CCDC180: variants seen among roughly 807,000 people sequenced by gnomAD.
The protein encoded by CCDC180 is coiled-coil domain-containing protein 180.
In CCDC180, 154 loss-of-function variants were observed where a neutral mutation model predicts 209.2. That is an observed-to-expected ratio of 0.74 (90% CI 0.65 to 0.84). The LOEUF is 0.84. Among genes scored for constraint, CCDC180 ranks in the 40% least tolerant of loss-of-function variants. The probability of loss-of-function intolerance (pLI) is 0.00; values close to 1 mark genes in which losing one functional copy is unlikely to be tolerated. For missense variants in CCDC180, 1,874 were observed against 1,997.3 expected, an observed-to-expected ratio of 0.94 and a Z score of 1.18; for synonymous variants, 778 against 749.1, an observed-to-expected ratio of 1.04 and a Z score of -0.63.
In CCDC180 at chr9:97,309,443, C is replaced by T; in HGVS notation, c.99C>T (p.Thr33=). Residue 33 remains threonine (T), a synonymous_variant, in exon 3 of 37, where the codon ACC becomes ACT. Coordinates refer to ENST00000529487, the MANE Select transcript of CCDC180 (RefSeq NM_020893.6). Reference sequence around the variant, plus strand: ...AGCTGGTCCACTCCCTGGCGGCCACCAGGAAGCGGGCTGCAGAGCGTTCTG... The same window carrying T: ...AGCTGGTCCACTCCCTGGCGGCCACTAGGAAGCGGGCTGCAGAGCGTTCTG... ...EVQLVHSLAA[T]RKRAAERSVT... 6.2e-7 allele frequency: 1 copy of T among 1,601,736 alleles called. No homozygotes were observed. The highest frequency in any genetic ancestry group is 8.5e-7 in the Non-Finnish European group (1 of 1,174,490).
At position 97,377,345 on chromosome 9, in the gene CCDC180, G is replaced by A. The variant is rs1045657606; in HGVS notation, c.*451G>A. 2 of 152,538 alleles carry A rather than the reference G, an allele frequency of 1.3e-5. No individual in the cohort carries two copies. Among genetic ancestry groups the A allele is most frequent in the African/African-American group, 2.4e-5 (1 of 41,384 alleles). 9.4% of individuals were successfully genotyped at this position (152,538 alleles called of 1,614,324 possible). On this transcript the variant is annotated 3_prime_UTR_variant, in exon 37 of 37. Transcript: ENST00000529487. ...CAAATAACTAATCCAATGTTGATTG[G>A]TATTTGTGCCACAATTTGTCTGAGC...
At chr9:97,371,336 C>T in intron 33 of CCDC180, 3 of 318,274 alleles carry the variant, frequency 9.4e-6, no homozygotes, top group Non-Finnish European at 1.7e-5. Context: ...TTTAGTGATC[C>T]ATGTCTAGTT....
At chr9:97,367,091 C>G (rs1445521649) in intron 31 of CCDC180, among the ~76,000 whole-genome samples, 1 of 152,192 alleles carries the variant, frequency 6.6e-6, no homozygotes, top group Non-Finnish European at 1.5e-5. Flanking sequence ...ACCCCATCCC[C>G]TAACCCCTCC....
intron 18 of CCDC180, among the ~76,000 whole-genome samples, chr9:97,331,926 T>C (rs1378126899): frequency 6.6e-6 from 1 of 152,186 alleles, no homozygotes; most frequent in Non-Finnish European, 1.5e-5. Flanking sequence ...TCAATGTTTG[T>C]TTTTGTCGCA....
rs766069136 is a variant in CCDC180, at chr9:97,325,046, A to G, written c.1399A>G (p.Thr467Ala). The G allele has an allele frequency of 1.4e-5, 23 of 1,613,868 alleles. No individual in the cohort carries two copies. The highest frequency in any genetic ancestry group is 5.0e-5 in the Admixed American group (3 of 59,986). The change falls in exon 14 of 37, where the codon ACA becomes GCA. Residue 467 changes from threonine (T) to alanine (A), a missense_variant. By Grantham distance (58) the Thr-to-Ala change is moderately conservative. Coordinates refer to ENST00000529487, the MANE Select transcript of CCDC180 (RefSeq NM_020893.6). Reference sequence around the variant, plus strand: ...ATCCTTCGAGACTCTGGCAGATCAGACAGAGTGGCAGAGTTCACACCTCTT... The same window carrying G: ...ATCCTTCGAGACTCTGGCAGATCAGGCAGAGTGGCAGAGTTCACACCTCTT... ...DKSFETLADQTEWQSSHLFKY... is the reference protein window; with the variant it reads ...DKSFETLADQAEWQSSHLFKY...
chr9:97,310,230 G>A (rs1170262958), intron 3 of CCDC180, among the ~76,000 whole-genome samples: 3 of 152,230 alleles, frequency 2.0e-5, no homozygotes, highest in Non-Finnish European at 4.4e-5. Context: ...CACTGCAGTT[G>A]TCCTTGTAAC....
Position 97,361,620 on chromosome 9 carries a change from A to G in CCDC180, c.3484-106A>G, listed in dbSNP as rs1826754092. The G allele has an allele frequency of 2.6e-6, 3 of 1,150,848 alleles. No individual in the cohort carries two copies. The South Asian group carries it at 4.5e-5, about 17-fold the overall frequency. 71.3% of individuals were successfully genotyped at this position (1,150,848 alleles called of 1,614,324 possible). A position where few individuals can be genotyped will look rare whatever the true frequency, so the allele number is the denominator to read the frequency against. ...CAATGAGGTCAGCTAGCTTGCCTGC[A>G]GCCACTCCACTGAGGCAGGGTGGGA... is the stretch of plus-strand genomic sequence containing the variant. On this transcript the variant is annotated intron_variant, in intron 26 of 36. Coordinates refer to ENST00000529487, the MANE Select transcript of CCDC180 (RefSeq NM_020893.6).
chr9:97,322,529 C>T (rs546743159), intron 11 of CCDC180, among the ~76,000 whole-genome samples: 27 of 152,342 alleles, frequency 1.8e-4, no homozygotes, highest in African/African-American at 6.5e-4. Context: ...TCTCCACTCT[C>T]ATTACTGGTT....
intron 18 of CCDC180, among the ~76,000 whole-genome samples, chr9:97,338,439 C>G (rs1214651808): frequency 6.6e-6 from 1 of 152,174 alleles, no homozygotes; most frequent in Non-Finnish European, 1.5e-5. Context: ...CATTCAGGAG[C>G]AGGTTGTTCT....
In CCDC180 at chr9:97,323,954, C is replaced by T. The variant is rs925969835; in HGVS notation, c.1371+51C>T. The T allele has an allele frequency of 3.9e-6, 6 of 1,541,826 alleles. No individual in the cohort carries two copies. In the African/African-American group the frequency reaches 6.9e-5, roughly 18 times the overall value. ...GGGAGCTGAGGTGGGGTTGGGGGTC[C>T]CCGGGGTTGCTGGGCTGTAGGGAGA... On this transcript the variant is annotated intron_variant, in intron 13 of 36. Transcript: ENST00000529487.
At chr9:97,330,018 A>T (rs1825682485) in intron 16 of CCDC180, 136 bp from the exon 17 acceptor site, 1 of 722,420 alleles carries the variant, frequency 1.4e-6, no homozygotes, top group South Asian at 1.8e-5. Flanking sequence ...CAGCGAACCA[A>T]GACCGCGCCA....
chr9:97,313,146 C>G (rs1038535703), intron 4 of CCDC180, 90 bp from the exon 5 acceptor site: 6 of 801,888 alleles, frequency 7.5e-6, no homozygotes, highest in Non-Finnish European at 1.3e-5. Flanking sequence ...CCTTCTGAGC[C>G]AGGCCTCAGT....
intron 24 of CCDC180, 32 bp downstream of exon 24, chr9:97,355,040 T>G: frequency 7.0e-7 from 1 of 1,419,426 alleles, no homozygotes; most frequent in Non-Finnish European, 1.0e-6. Flanking sequence ...TCAAGGATCT[T>G]TATCACACAC....
At chr9:97,325,370 C>T (rs1833499188) in intron 14 of CCDC180, among the ~76,000 whole-genome samples, 178 bp downstream of exon 14, 1 of 152,158 alleles carries the variant, frequency 6.6e-6, no homozygotes. Flanking sequence ...CCAAATGTGT[C>T]TCTAAGAGCA....
At chr9:97,362,172 T>C (rs890888818) in intron 27 of CCDC180, 24 bp from the exon 28 acceptor site, 1 of 1,603,046 alleles carries the variant, frequency 6.2e-7, no homozygotes, top group Non-Finnish European at 8.5e-7. Flanking sequence ...GGAGAAGAGC[T>C]CACACCCTTT....
chr9:97,352,926 G>T (rs1176520084), intron 22 of CCDC180, among the ~76,000 whole-genome samples: 1 of 149,144 alleles, frequency 6.7e-6, no homozygotes, highest in African/African-American at 2.5e-5. Flanking sequence ...TCCATTTGTA[G>T]ATATATACAT....
At chr9:97,359,886 C>T (rs1039644172) in intron 25 of CCDC180, 96 bp from the exon 26 acceptor site, 1 of 1,501,644 alleles carries the variant, frequency 6.7e-7, no homozygotes, top group Non-Finnish European at 9.1e-7. Context: ...GAGGTATCCT[C>T]ATCAGCCCAG....
At chr9:97,369,791 T>C (rs1329662275) in intron 31 of CCDC180, 131 bp from the exon 32 acceptor site, 63 of 934,424 alleles carry the variant, frequency 6.7e-5, no homozygotes, top group Admixed American at 1.0e-4. Flanking sequence ...TTTGATGGAA[T>C]AGCTCTTACC....
At chr9:97,375,289 GAAC>G (rs1381556296) in intron 35 of CCDC180, among the ~76,000 whole-genome samples, 162 bp from the exon 36 acceptor site, 4 of 152,154 alleles carry the variant, frequency 2.6e-5, no homozygotes, top group Non-Finnish European at 5.9e-5. Context: ...GAAACAGCTT[GAAC>G]AAGTGCAGCA....
Sources: gnomAD v4.1 joint callset for allele counts (sites outside exome capture counted in the v4.1 genomes callset) on GRCh38, gnomAD v4.1.1 for gene constraint, MANE v1.5 for transcripts, NCBI Gene and HGNC (gene_info 2026-07-23, HGNC 2026-07-21) for gene names.